The following CENPF variants were observed in gnomAD, a reference collection of about 807,000 sequenced individuals.
CENPF encodes the protein centromere protein F.
Under a neutral mutation model 307.3 loss-of-function variants are expected in CENPF, and 214 were observed. The observed-to-expected ratio is 0.70, with a 90% CI of 0.62 to 0.78. CENPF has a LOEUF of 0.78. Among genes scored for constraint, CENPF ranks in the 30% least tolerant of loss-of-function variants. CENPF has a pLI of 0.00. For synonymous variants in CENPF, 1,259 were observed against 1,270.6 expected (o/e 0.99, Z 0.19); for missense variants, 3,401 against 3,483.9 (o/e 0.98, Z 0.60).
Position 214,659,149 on chromosome 1 carries a change from G to A in CENPF, c.9141+121G>A. The stretch of plus-strand genomic sequence containing the variant: ...GCTTTCAAAAAGTCTGACCTTCTTG[G>A]TGTGGTGTAAGTCAGTCAGTAGTGA... On this transcript the variant is annotated intron_variant, in intron 19 of 19. Coordinates refer to ENST00000366955, the MANE Select transcript of CENPF (RefSeq NM_016343.4). The surrounding 1 kb of genome is among the most constrained non-coding windows in gnomAD (Gnocchi z 4.4). 6 of 1,002,496 alleles carry A rather than the reference G, an allele frequency of 6.0e-6. No individual in the cohort carries two copies. The highest frequency in any genetic ancestry group is 3.2e-4 in the Middle Eastern group (1 of 3,124). The allele number at this position is 1,002,496 out of a possible 1,614,324, so 62.1% of individuals were successfully genotyped here.
At position 214,641,633 on chromosome 1, in the gene CENPF, C is replaced by A; in HGVS notation, c.3295C>A (p.Leu1099Met). The change falls in exon 12 of 20, where the codon CTG (leucine) becomes ATG (methionine). Residue 1099 changes from leucine (L) to methionine (M), a missense_variant. Transcript: ENST00000366955. ...LAFAEERNQN[L>M]MLELETVQQA... The stretch of plus-strand genomic sequence containing the variant: ...ATTTGCTGAAGAAAGAAATCAGAAT[C>A]TGATGCTAGAGTTGGAGACAGTGCA... 6.4e-7 allele frequency: 1 copy of A among 1,565,408 alleles called. No individual in the cohort carries two copies. The highest frequency in any genetic ancestry group is 2.3e-5 in the East Asian group (1 of 43,976).
chr1:214,641,125 A>C lies in CENPF; in HGVS notation c.2787A>C (p.Glu929Asp), dbSNP rs771273500. ...KVETEQAEIQ[E>D]LKKSNHLLED... ...AAACTGAGCAGGCAGAGATTCAAGAATTAAAAAAGAGCAACCATCTACTTG... is the reference window on the plus strand; with the variant it reads ...AAACTGAGCAGGCAGAGATTCAAGACTTAAAAAAGAGCAACCATCTACTTG... Residue 929 changes from glutamate (E) to aspartate (D), a missense_variant, in exon 12 of 20, where the codon GAA becomes GAC. Transcript: ENST00000366955. The C allele has an allele frequency of 3.2e-6, 5 of 1,581,042 alleles. No homozygotes were observed. In the East Asian group the frequency reaches 1.1e-4, roughly 35 times the overall value.
At chr1:214,632,701 T>G in intron 10 of CENPF, 99 bp downstream of exon 10, 3 of 1,385,598 alleles carry the variant, frequency 2.2e-6, no homozygotes, top group Admixed American at 4.9e-5. Context: ...TTGTCATGAC[T>G]GTGTGCCTTT....
rs1658529564 is a variant in CENPF, at chr1:214,652,956, T to C, written c.8289T>C (p.Thr2763=). 3.1e-6 allele frequency: 5 copies of C among 1,604,434 alleles called. No individual in the cohort carries two copies. The highest frequency in any genetic ancestry group is 4.2e-6 in the Non-Finnish European group (5 of 1,177,346). Residue 2763 remains threonine, a synonymous_variant, in exon 16 of 20, where the codon ACT becomes ACC. Coordinates refer to ENST00000366955, the MANE Select transcript of CENPF (RefSeq NM_016343.4). Reference sequence around the variant, plus strand: ...AGCTCAATAATTCATTGAAAGCTACTACTCAGATTTTGGAAGAATTGAAGA... The same window carrying C: ...AGCTCAATAATTCATTGAAAGCTACCACTCAGATTTTGGAAGAATTGAAGA... ...KEELNNSLKA[T]TQILEELKKT... is the part of the protein sequence containing the mutation.
At position 214,620,887 on chromosome 1, in the gene CENPF, G is replaced by A. The variant is rs760470480; in HGVS notation, c.806G>A (p.Ser269Asn). 1 of 1,613,954 alleles carries A rather than the reference G, an allele frequency of 6.2e-7. No individual in the cohort carries two copies. Among genetic ancestry groups the A allele is most frequent in the African/African-American group, 1.3e-5 (1 of 74,914 alleles). Residue 269 changes from serine (S) to asparagine (N), a missense_variant, in exon 6 of 20, where the codon AGT (serine) becomes AAT (asparagine). Ser to Asn is a conservative substitution (Grantham distance 46). Transcript: ENST00000366955. ...LQIGKRDANS[S>N]FFDNSSSPHL... is the part of the protein sequence containing the mutation. ...ATAGGGAAAAGAGATGCTAATAGCA[G>A]TTTCTTTGACAATTCTAGCAGTCCT...
chr1:214,607,066 C>G (rs1000157059), intron 1 of CENPF, among the ~76,000 whole-genome samples: 2 of 152,226 alleles, frequency 1.3e-5, no homozygotes, highest in Non-Finnish European at 2.9e-5. Context: ...CACCCATGCC[C>G]CAAAGGATGC....
chr1:214,641,421 G>A lies in CENPF; in HGVS notation c.3083G>A (p.Arg1028Lys). ...CAAGAAAAACTTATTTTACTACAAA[G>A]ATGTGAAGAAACCGGAAATGCATAT... Reference protein sequence around the residue: ...YKQEKLILLQRCEETGNAYED... With the variant: ...YKQEKLILLQKCEETGNAYED... Residue 1028 changes from arginine to lysine, a missense_variant, in exon 12 of 20, where the codon AGA becomes AAA. Physicochemically the swap from Arg to Lys is conservative, Grantham distance 26. Coordinates refer to ENST00000366955, the MANE Select transcript of CENPF (RefSeq NM_016343.4). 1.9e-6 allele frequency: 3 copies of A among 1,570,400 alleles called. No individual in the cohort carries two copies. The South Asian group carries it at 3.6e-5, about 19-fold the overall frequency.
At chr1:214,631,526 G>GT (rs1248614651) in intron 9 of CENPF, among the ~76,000 whole-genome samples, 2 of 151,820 alleles carry the variant, frequency 1.3e-5, no homozygotes, top group Admixed American at 6.6e-5. Context: ...TTGAGACGGA[G>GT]TCTCCCTCTG....
rs747819188 is a variant in CENPF, at chr1:214,632,538, G to C, written c.1382G>C (p.Cys461Ser). Residue 461 changes from cysteine (C) to serine (S), a missense_variant, in exon 10 of 20, where the codon TGC becomes TCC. Transcript: ENST00000366955. ...NNLEEFKQKL[C>S]RAEQAFQASQ... The stretch of plus-strand genomic sequence containing the variant: ...TTGGAAGAGTTTAAGCAAAAGTTGT[G>C]CAGAGCTGAACAGGCGTTCCAGGCG... 1 of 1,614,080 alleles carries C rather than the reference G, an allele frequency of 6.2e-7. No homozygotes were observed. The highest frequency in any genetic ancestry group is 1.7e-5 in the Admixed American group (1 of 60,012).
intron 16 of CENPF, chr1:214,653,382 C>T (rs377393489): frequency 1.3e-4 from 22 of 174,272 alleles, no homozygotes; most frequent in Middle Eastern, 4.9e-4. Flanking sequence ...CTGTGGCTTA[C>T]GGGGAGATCA....
At position 214,646,943 on chromosome 1, in the gene CENPF, A is replaced by G. The variant is rs1295204994; in HGVS notation, c.7373A>G (p.His2458Arg). The change falls in exon 13 of 20, where the codon CAT becomes CGT. Residue 2458 changes from histidine (H) to arginine (R), a missense_variant. His to Arg is a conservative substitution (Grantham distance 29). Coordinates refer to ENST00000366955, the MANE Select transcript of CENPF (RefSeq NM_016343.4). ...CTCAATGAGAGAGTGGCAGCCCTGC[A>G]TAATGACCAAGAAGCCTGTAAGGCC... ...KELNERVAAL[H>R]NDQEACKAKE... 2 of 1,614,098 alleles carry G rather than the reference A, an allele frequency of 1.2e-6. No individual in the cohort carries two copies. The highest frequency in any genetic ancestry group is 2.2e-5 in the South Asian group (2 of 91,074).
rs777414037 is a variant in CENPF at position 214,648,738 on chromosome 1, A to C, written c.7894A>C (p.Thr2632Pro). 12 of 1,614,012 alleles carry C rather than the reference A, an allele frequency of 7.4e-6. No homozygotes were observed. The highest frequency in any genetic ancestry group is 6.6e-5 in the South Asian group (6 of 91,088). ...QREMHEMAQK[T>P]AELQEELSGE... ...GGAAATGCATGAGATGGCACAGAAA[A>C]CAGCAGAGCTGCAAGAAGAACTCAG... Residue 2632 changes from threonine to proline, a missense_variant, in exon 14 of 20, where the codon ACA becomes CCA. Transcript: ENST00000366955.
chr1:214,631,744 C>T (rs1657815057), intron 9 of CENPF, among the ~76,000 whole-genome samples: 1 of 152,204 alleles, frequency 6.6e-6, no homozygotes, highest in Admixed American at 6.5e-5. Context: ...AGGTGATCTG[C>T]CCACCTTGAC....
chr1:214,654,854 G>C (rs1355863231), intron 16 of CENPF, among the ~76,000 whole-genome samples: 2 of 152,180 alleles, frequency 1.3e-5, no homozygotes, highest in African/African-American at 4.8e-5. Context: ...TATTGAAACT[G>C]TAACAGTGTG....
intron 1 of CENPF, among the ~76,000 whole-genome samples, chr1:214,610,011 G>T (rs534158481): frequency 7.0e-6 from 1 of 143,162 alleles, no homozygotes; most frequent in Admixed American, 7.2e-5. Flanking sequence ...ATTTGTGTGT[G>T]CATGTGCCTT....
Position 214,613,721 on chromosome 1 carries a change from A to G in CENPF, c.-34A>G, listed in dbSNP as rs376037426. The G allele has an allele frequency of 4.5e-6, 7 of 1,548,740 alleles. No homozygotes were observed. In the African/African-American group the frequency reaches 9.8e-5, roughly 22 times the overall value. On this transcript the variant is annotated 5_prime_UTR_variant, in exon 2 of 20. Coordinates refer to ENST00000366955, the MANE Select transcript of CENPF (RefSeq NM_016343.4). ...TCTGGTTATTCTTTTCAGTTTATTT[A>G]CAAATGTTGGAGTAATAAAGAAGGC...
In CENPF at chr1:214,641,726, C is replaced by A. The variant is rs750090985; in HGVS notation, c.3388C>A (p.Gln1130Lys). ...TAAGAGCGAGGCTGGTGGTTTAAAG[C>A]AAGAAATCATGACTTTAAAGGAAGA... ...NSKSEAGGLK[Q>K]EIMTLKEEQN... is the part of the protein sequence containing the mutation. The change falls in exon 12 of 20, where the codon CAA becomes AAA. Residue 1130 changes from glutamine to lysine, a missense_variant. Gln to Lys is a moderately conservative substitution (Grantham distance 53, BLOSUM62 1). Coordinates refer to ENST00000366955, the MANE Select transcript of CENPF (RefSeq NM_016343.4). 2 of 1,576,582 alleles carry A rather than the reference C, an allele frequency of 1.3e-6. No homozygotes were observed. Among genetic ancestry groups the A allele is most frequent in the African/African-American group, 1.4e-5 (1 of 72,904 alleles).
At position 214,645,586 on chromosome 1, in the gene CENPF, G is replaced by A; in HGVS notation, c.6016G>A (p.Glu2006Lys). Residue 2006 changes from glutamate (E) to lysine (K), a missense_variant, in exon 13 of 20, where the codon GAG (glutamate) becomes AAG (lysine). Coordinates refer to ENST00000366955, the MANE Select transcript of CENPF (RefSeq NM_016343.4). ...GTGTCTCCATTGCATTCAGGTGGCA[G>A]AGGCAGAGGTGAAGGAAAAGACGGA... Reference protein sequence around the residue: ...SECLHCIQVAEAEVKEKTELL... With the variant: ...SECLHCIQVAKAEVKEKTELL... 6.2e-7 allele frequency: 1 copy of A among 1,614,160 alleles called. No homozygotes were observed. Among genetic ancestry groups the A allele is most frequent in the South Asian group, 1.1e-5 (1 of 91,084 alleles).
intron 3 of CENPF, among the ~76,000 whole-genome samples, chr1:214,617,580 T>C (rs568376874): frequency 6.6e-6 from 1 of 152,378 alleles, no homozygotes; most frequent in East Asian, 1.9e-4. Context: ...TGTACATATA[T>C]ACAATATGTA....
Sources: allele counts gnomAD v4.1 joint callset (sites outside exome capture counted in the v4.1 genomes callset), GRCh38; gene constraint gnomAD v4.1.1; non-coding constraint Gnocchi (gnomAD v3.1); transcripts MANE v1.5; gene names NCBI Gene and HGNC (gene_info 2026-07-23, HGNC 2026-07-21).